MEF2C: variants seen among roughly 807,000 people sequenced by gnomAD.
MEF2C encodes myocyte-specific enhancer factor 2C.
A neutral mutation model predicts 50.5 loss-of-function variants in MEF2C; 6 were observed. That is an observed-to-expected ratio of 0.12 (90% CI 0.07 to 0.23). The LOEUF (loss-of-function observed/expected upper bound fraction) is 0.23, where lower values mean the gene tolerates loss of function less well. MEF2C is among the 10% of genes least tolerant of loss of function. The pLI, the probability that MEF2C is intolerant of heterozygous loss-of-function variation, is 1.00. For synonymous variants in MEF2C, 183 were observed against 228.0 expected, an observed-to-expected ratio of 0.80 and a Z score of 1.78; for missense variants, 276 against 605.0, an observed-to-expected ratio of 0.46 and a Z score of 5.70.
At chr5:88,843,314 T>C in intron 1 of MEF2C, 1 of 984,192 alleles carries the variant, frequency 1.0e-6, no homozygotes, top group African/African-American at 1.7e-5. Context: ...TTACATCACG[T>C]AAAATATTGT....
chr5:88,756,851 A>G (rs1036642313), intron 4 of MEF2C, among the ~76,000 whole-genome samples: 2 of 152,050 alleles, frequency 1.3e-5, no homozygotes, highest in African/African-American at 4.8e-5. Context: ...ACTTGCAAAG[A>G]CTTCAGGGCC....
Position 88,788,165 on chromosome 5 carries a change from A to AGTTTGTTT in MEF2C, c.258+16425_258+16432dup, listed in dbSNP as rs74982864. On this transcript the variant is annotated intron_variant, in intron 3 of 10. Coordinates refer to ENST00000504921, the MANE Select transcript of MEF2C (RefSeq NM_002397.5). The stretch of plus-strand genomic sequence containing the variant: ...GGCTGTATCTATTAACCATCATGCC[A>AGTTTGTTT]GTTTGTTTGTTTGTTTATTTATTTA... Among the ~76,000 whole-genome samples the AGTTTGTTT allele has an allele frequency of 2.1e-3, 296 of 143,000 alleles. 1 individual carries two copies. The highest frequency in any genetic ancestry group is 6.5e-3 in the African/African-American group (252 of 38,500). 93.8% of individuals were successfully genotyped at this position (143,000 alleles called of 152,430 possible).
chr5:88,737,042 T>TACACAGA, intron 6 of MEF2C: 7 of 985,310 alleles, frequency 7.1e-6, no homozygotes, highest in Non-Finnish European at 7.2e-6. Flanking sequence ...GTTCTTTATA[T>TACACAGA]GTTTCAGGTG....
intron 3 of MEF2C, among the ~76,000 whole-genome samples, chr5:88,791,301 A>G (rs1315368036): frequency 6.6e-6 from 1 of 152,168 alleles, no homozygotes; most frequent in Non-Finnish European, 1.5e-5. Flanking sequence ...GAGAGATCAC[A>G]TGAGATCTTT....
intron 6 of MEF2C, chr5:88,740,453 C>G (rs934326871): frequency 1.0e-6 from 1 of 984,784 alleles, no homozygotes; most frequent in Non-Finnish European, 1.2e-6. Context: ...AACTGTCATG[C>G]GGATTTAGGC....
intron 3 of MEF2C, among the ~76,000 whole-genome samples, chr5:88,794,209 G>A (rs1795044545): frequency 6.6e-6 from 1 of 152,168 alleles, no homozygotes; most frequent in Admixed American, 6.5e-5. Flanking sequence ...AGATCCCTGA[G>A]GAATCGCCAC....
chr5:88,800,676 G>C (rs951864959), intron 3 of MEF2C, among the ~76,000 whole-genome samples: 1 of 152,186 alleles, frequency 6.6e-6, no homozygotes, highest in African/African-American at 2.4e-5. Context: ...GAAGGGGGCA[G>C]TTCCTTAATG....
rs1756017712 is a variant in MEF2C at position 88,720,651 on chromosome 5, C to A, written c.*1953G>T. 6.6e-6 allele frequency: 1 copy of A among 152,578 alleles called. No homozygotes were observed. The highest frequency in any genetic ancestry group is 2.4e-5 in the African/African-American group (1 of 41,438). The allele number at this position is 152,578 out of a possible 1,614,324, so 9.5% of individuals were successfully genotyped here. ...TATGATTGGAGATGAATCGACAGAT[C>A]TTCACATTCCAAGAGAAGGAAAATC... On this transcript the variant is annotated 3_prime_UTR_variant, in exon 11 of 11. Coordinates refer to ENST00000504921, the MANE Select transcript of MEF2C (RefSeq NM_002397.5).
At chr5:88,797,100 C>T (rs941185216) in intron 3 of MEF2C, among the ~76,000 whole-genome samples, 1 of 151,536 alleles carries the variant, frequency 6.6e-6, no homozygotes. Context: ...TGAAGTCCAA[C>T]GTTGATCTGG....
intron 1 of MEF2C, among the ~76,000 whole-genome samples, chr5:88,827,867 T>A (rs1811531187): frequency 6.9e-6 from 1 of 144,040 alleles, no homozygotes; most frequent in African/African-American, 2.6e-5. Flanking sequence ...AAAAAAAAAA[T>A]CAATGCATGC....
intron 3 of MEF2C, among the ~76,000 whole-genome samples, chr5:88,763,359 C>T (rs987694837): frequency 1.3e-5 from 2 of 152,172 alleles, no homozygotes; most frequent in Non-Finnish European, 2.9e-5. Context: ...CATCACAATA[C>T]ATTAGAATAA....
chr5:88,739,223 C>G (rs1765395610), intron 6 of MEF2C: 1 of 980,832 alleles, frequency 1.0e-6, no homozygotes, highest in Non-Finnish European at 1.2e-6. Flanking sequence ...TTAATAGTAT[C>G]TGATTTTGAG....
At chr5:88,830,317 A>G (rs1320323080) in intron 1 of MEF2C, among the ~76,000 whole-genome samples, 1 of 152,058 alleles carries the variant, frequency 6.6e-6, no homozygotes, top group Non-Finnish European at 1.5e-5. Context: ...GATGAAATGT[A>G]TGTCAGAAAT....
At chr5:88,885,059 T>G (rs915783708), upstream of MEF2C, among the ~76,000 whole-genome samples, 2 of 151,974 alleles carry the variant, frequency 1.3e-5, no homozygotes, top group East Asian at 3.8e-4. Flanking sequence ...GATTAGACAA[T>G]AGTATATTGA....
At chr5:88,770,010 T>A (rs983315182) in intron 3 of MEF2C, 5 of 985,172 alleles carry the variant, frequency 5.1e-6, no homozygotes, top group Middle Eastern at 5.2e-4. Flanking sequence ...AATCAAGTTG[T>A]AGGTTGTTTT....
intron 2 of MEF2C, chr5:88,817,943 A>G (rs1806283274): frequency 6.6e-6 from 1 of 151,972 alleles, no homozygotes; most frequent in African/African-American, 2.4e-5. Context: ...TGTTTGTAGA[A>G]AGAGTCATAT....
intron 3 of MEF2C, among the ~76,000 whole-genome samples, chr5:88,785,152 T>G (rs528604331): frequency 1.2e-3 from 180 of 152,162 alleles, no homozygotes; most frequent in African/African-American, 4.1e-3. Flanking sequence ...ATAACAATGC[T>G]CAGACTCGTA....
intron 1 of MEF2C, among the ~76,000 whole-genome samples, chr5:88,869,298 C>CGTAT: frequency 2.0e-5 from 2 of 101,136 alleles, no homozygotes; most frequent in Admixed American, 1.2e-4. Flanking sequence ...TATATATACA[C>CGTAT]ATATATATAT....
Position 88,721,315 on chromosome 5 carries a change from A to G in MEF2C, c.*1289T>C, listed in dbSNP as rs570444083. 1.3e-5 allele frequency: 2 copies of G among 152,736 alleles called. No individual in the cohort carries two copies. The highest frequency in any genetic ancestry group is 3.9e-4 in the East Asian group (2 of 5,190). 9.5% of individuals were successfully genotyped at this position (152,736 alleles called of 1,614,324 possible). The stretch of plus-strand genomic sequence containing the variant: ...GCCCTGCATTTGATAAAAATGCAAA[A>G]AACAAAATAAAAATAGCATGAAAGA... On this transcript the variant is annotated 3_prime_UTR_variant, in exon 11 of 11. Coordinates refer to ENST00000504921, the MANE Select transcript of MEF2C (RefSeq NM_002397.5).
Sources: allele counts gnomAD v4.1 joint callset (sites outside exome capture counted in the v4.1 genomes callset), GRCh38; gene constraint gnomAD v4.1.1; transcripts MANE v1.5; gene names NCBI Gene and HGNC (gene_info 2026-07-23, HGNC 2026-07-21).